Variants in SUPT3H observed in about 807,000 individuals in gnomAD.
The protein encoded by SUPT3H is SPT3 homolog, SAGA and STAGA complex component.
Under a neutral mutation model 44.3 loss-of-function variants are expected in SUPT3H, and 44 were observed. That is an observed-to-expected ratio of 0.99 (90% CI 0.78 to 1.28). SUPT3H has a LOEUF of 1.28. Among genes scored for constraint, SUPT3H ranks in the 50% most tolerant of loss-of-function variants. The pLI, the probability that SUPT3H is intolerant of heterozygous loss-of-function variation, is 0.00. For missense variants in SUPT3H, 380 were observed against 387.1 expected (o/e 0.98, Z 0.15); for synonymous variants, 124 against 125.6 (o/e 0.99, Z 0.09).
intron 11 of SUPT3H, among the ~76,000 whole-genome samples, chr6:44,812,549 AC>A (rs1161554492): frequency 6.6e-6 from 1 of 152,162 alleles, no homozygotes; most frequent in Non-Finnish European, 1.5e-5. Context: ...GCCATCTGCA[AC>A]CTTATTTCCC....
intron 10 of SUPT3H, among the ~76,000 whole-genome samples, chr6:44,925,606 C>G (rs1008992126): frequency 1.3e-5 from 2 of 152,100 alleles, no homozygotes; most frequent in African/African-American, 4.8e-5. Context: ...TACAGCACTT[C>G]CCATTGAGAG....
intron 2 of SUPT3H, among the ~76,000 whole-genome samples, chr6:45,357,059 T>G (rs1274555074): frequency 3.3e-5 from 5 of 151,902 alleles, no homozygotes; most frequent in Admixed American, 2.0e-4. Context: ...CAGGCTGGAG[T>G]GCAGTGGCAC....
chr6:45,241,648 A>C (rs1426862304), intron 2 of SUPT3H, among the ~76,000 whole-genome samples: 1 of 152,084 alleles, frequency 6.6e-6, no homozygotes, highest in African/African-American at 2.4e-5. Flanking sequence ...GTGTGTCTTT[A>C]ATTCCTCTAG....
chr6:45,282,855 A>G (rs190439726), intron 2 of SUPT3H, among the ~76,000 whole-genome samples: 2 of 152,364 alleles, frequency 1.3e-5, no homozygotes, highest in Non-Finnish European at 2.9e-5. Flanking sequence ...GTTACCCACT[A>G]ACGGAAGCCC....
At chr6:44,888,663 T>A (rs536602690) in intron 10 of SUPT3H, among the ~76,000 whole-genome samples, 4 of 152,064 alleles carry the variant, frequency 2.6e-5, no homozygotes, top group Admixed American at 2.6e-4. Context: ...AATATCATAC[T>A]GAATGGGCAA....
At chr6:44,959,410 T>TAA (rs1429953560) in intron 7 of SUPT3H, among the ~76,000 whole-genome samples, 1 of 152,062 alleles carries the variant, frequency 6.6e-6, no homozygotes. Flanking sequence ...TATCAGTAAT[T>TAA]AAATCCATAT....
At chr6:45,005,870 T>G (rs1210760524) in intron 5 of SUPT3H, among the ~76,000 whole-genome samples, 2 of 152,160 alleles carry the variant, frequency 1.3e-5, no homozygotes, top group African/African-American at 4.8e-5. Flanking sequence ...ATTTTACAAT[T>G]AAGTTTTGTA....
intron 3 of SUPT3H, among the ~76,000 whole-genome samples, chr6:45,094,464 T>G (rs1233199828): frequency 6.6e-6 from 1 of 152,174 alleles, no homozygotes; most frequent in Non-Finnish European, 1.5e-5. Context: ...AAGTAAAGAC[T>G]GCTTTTCAAA....
At chr6:45,087,858 T>C (rs1796668462) in intron 3 of SUPT3H, among the ~76,000 whole-genome samples, 1 of 151,950 alleles carries the variant, frequency 6.6e-6, no homozygotes, top group Non-Finnish European at 1.5e-5. Context: ...CTGAAAACCA[T>C]CAAGTTTGAA....
intron 2 of SUPT3H, among the ~76,000 whole-genome samples, chr6:45,301,517 C>A (rs1782141147): frequency 6.6e-6 from 1 of 152,048 alleles, no homozygotes; most frequent in Non-Finnish European, 1.5e-5. Flanking sequence ...TTCATCTCTG[C>A]TTGAAATGAC....
At chr6:45,147,625 T>C (rs1806291984) in intron 2 of SUPT3H, among the ~76,000 whole-genome samples, 1 of 151,918 alleles carries the variant, frequency 6.6e-6, no homozygotes, top group Admixed American at 6.6e-5. Flanking sequence ...AGACAAGAAT[T>C]AGATCATCTA....
At chr6:45,279,233 G>A (rs750753140) in intron 2 of SUPT3H, among the ~76,000 whole-genome samples, 3 of 152,106 alleles carry the variant, frequency 2.0e-5, no homozygotes, top group Non-Finnish European at 4.4e-5. Flanking sequence ...AATACCATGT[G>A]ACCAGTAAGC....
intron 2 of SUPT3H, among the ~76,000 whole-genome samples, chr6:45,179,990 C>T (rs949081763): frequency 2.0e-5 from 3 of 152,054 alleles, no homozygotes; most frequent in African/African-American, 7.3e-5. Context: ...CCCAGAATCT[C>T]CTTAAGCTGA....
intron 6 of SUPT3H, among the ~76,000 whole-genome samples, chr6:44,971,898 G>A (rs1313850242): frequency 3.9e-5 from 6 of 152,046 alleles, no homozygotes; most frequent in African/African-American, 7.2e-5. Context: ...TCAGCATCCC[G>A]AGTAGCTGGG....
chr6:45,085,961 C>T (rs1209642905), intron 3 of SUPT3H, among the ~76,000 whole-genome samples: 1 of 152,022 alleles, frequency 6.6e-6, no homozygotes, highest in East Asian at 1.9e-4. Flanking sequence ...TATAATCCTC[C>T]TATATTTAAA....
rs74294965 is a variant in SUPT3H, at chr6:45,005,413, C to T, written c.365-1621G>A. On this transcript the variant is annotated intron_variant, in intron 5 of 10. Coordinates refer to ENST00000371459, the MANE Select transcript of SUPT3H (RefSeq NM_003599.4). ...AATGTTTATCCTAGTCTTTCATTTG[C>T]CTATGAATTTTAAAGCATCTTTTGC... 2.6e-5 allele frequency among the ~76,000 whole-genome samples: 4 copies of T among 152,078 alleles called. No individual in the cohort carries two copies. The East Asian group carries it at 5.8e-4, about 22-fold the overall frequency.
At chr6:44,984,491 G>A (rs188475666) in intron 6 of SUPT3H, among the ~76,000 whole-genome samples, 5 of 152,240 alleles carry the variant, frequency 3.3e-5, no homozygotes, top group African/African-American at 1.2e-4. Flanking sequence ...CTTATAAAAT[G>A]AGAAATTTGT....
intron 6 of SUPT3H, among the ~76,000 whole-genome samples, chr6:44,998,441 T>C (rs1781556452): frequency 6.6e-6 from 1 of 151,968 alleles, no homozygotes; most frequent in Non-Finnish European, 1.5e-5. Context: ...CATTATTCAC[T>C]GCTAATTTTT....
chr6:45,291,775 A>C (rs1241674804), intron 2 of SUPT3H, among the ~76,000 whole-genome samples: 2 of 152,200 alleles, frequency 1.3e-5, no homozygotes, highest in Non-Finnish European at 2.9e-5. Context: ...AAAGGCTCCA[A>C]ACAGTCTGGG....
Sources: gnomAD v4.1 joint callset for allele counts (sites outside exome capture counted in the v4.1 genomes callset) on GRCh38, gnomAD v4.1.1 for gene constraint, MANE v1.5 for transcripts, NCBI Gene and HGNC (gene_info 2026-07-23, HGNC 2026-07-21) for gene names.